Variants in ALMS1 observed in about 807,000 individuals in gnomAD.
The protein encoded by ALMS1 is ALMS1 centrosome and basal body associated protein.
Under a neutral mutation model 352.2 loss-of-function variants are expected in ALMS1, and 271 were observed. That is an observed-to-expected ratio of 0.77 (90% CI 0.70 to 0.85). ALMS1 has a LOEUF of 0.85. Ranked by LOEUF, ALMS1 falls within the 40% of genes least tolerant of loss-of-function variation. The pLI is 0.00. For missense variants in ALMS1, 5,445 were observed against 4,870.7 expected (o/e 1.12, Z -3.51); for synonymous variants, 1,865 against 1,761.2 (o/e 1.06, Z -1.48).
At position 73,452,663 on chromosome 2, in the gene ALMS1, A is replaced by G. The variant is rs1363078402; in HGVS notation, c.6136A>G (p.Ser2046Gly). 1.2e-6 allele frequency: 2 copies of G among 1,613,994 alleles called. No individual in the cohort carries two copies. The highest frequency in any genetic ancestry group is 1.7e-6 in the Non-Finnish European group (2 of 1,179,992). ...QKTPSQTAFHSSYSQTVKPNI... is the reference protein window; with the variant it reads ...QKTPSQTAFHGSYSQTVKPNI... The stretch of plus-strand genomic sequence containing the variant: ...GACTCCATCCCAGACAGCTTTTCAT[A>G]GTTCCTATTCTCAAACAGTAAAGCC... Residue 2046 changes from serine (S) to glycine (G), a missense_variant, in exon 8 of 23, where the codon AGT becomes GGT. Coordinates refer to ENST00000613296, the MANE Select transcript of ALMS1 (RefSeq NM_001378454.1).
At chr2:73,587,208 C>T (rs929880760) in intron 16 of ALMS1, among the ~76,000 whole-genome samples, 2 of 152,160 alleles carry the variant, frequency 1.3e-5, no homozygotes, top group Non-Finnish European at 2.9e-5. Context: ...GGTATACAGT[C>T]ATATCATCGG....
At chr2:73,515,598 T>G (rs1487717896) in intron 10 of ALMS1, among the ~76,000 whole-genome samples, 1 of 152,052 alleles carries the variant, frequency 6.6e-6, no homozygotes, top group Non-Finnish European at 1.5e-5. Context: ...CTGAACTGTA[T>G]GAAATTGAGA....
chr2:73,427,845 T>C (rs556923523), intron 6 of ALMS1, among the ~76,000 whole-genome samples: 4 of 152,216 alleles, frequency 2.6e-5, no homozygotes, highest in African/African-American at 4.8e-5. Flanking sequence ...TATCCTGTTA[T>C]TCATTAAATA....
intron 7 of ALMS1, among the ~76,000 whole-genome samples, chr2:73,443,871 A>G (rs540656096): frequency 2.0e-5 from 3 of 152,292 alleles, no homozygotes; most frequent in Middle Eastern, 6.8e-3. Flanking sequence ...GTTGTAATGA[A>G]GGCCTATGGA....
At chr2:73,405,674 T>C (rs1054790450) in intron 1 of ALMS1, among the ~76,000 whole-genome samples, 2 of 136,792 alleles carry the variant, frequency 1.5e-5, no homozygotes, top group African/African-American at 6.1e-5. Flanking sequence ...TTGACATGAA[T>C]TTTTTTTTTT....
intron 16 of ALMS1, among the ~76,000 whole-genome samples, chr2:73,574,654 CT>C (rs917673903): frequency 1.3e-5 from 2 of 151,928 alleles, no homozygotes; most frequent in African/African-American, 4.8e-5. Context: ...ATAGAGTATG[CT>C]TTTTTTCTAA....
chr2:73,571,976 C>T (rs1674938317), intron 15 of ALMS1, among the ~76,000 whole-genome samples: 1 of 152,054 alleles, frequency 6.6e-6, no homozygotes, highest in Non-Finnish European at 1.5e-5. Context: ...ATACATATAG[C>T]AGTTGCTTTT....
At chr2:73,542,101 T>C (rs922155089) in intron 12 of ALMS1, among the ~76,000 whole-genome samples, 3 of 152,146 alleles carry the variant, frequency 2.0e-5, no homozygotes, top group African/African-American at 2.4e-5. Context: ...CTGATAAACA[T>C]TGATGCAAAA....
chr2:73,527,632 T>C (rs957196403), intron 11 of ALMS1, among the ~76,000 whole-genome samples: 1 of 152,110 alleles, frequency 6.6e-6, no homozygotes, highest in Admixed American at 6.5e-5. Context: ...AATCTCTGAT[T>C]TTATTTACAT....
intron 1 of ALMS1, among the ~76,000 whole-genome samples, chr2:73,406,344 T>C (rs1176144057): frequency 6.6e-6 from 1 of 152,068 alleles, no homozygotes; most frequent in Non-Finnish European, 1.5e-5. Flanking sequence ...GAATATCTTT[T>C]TGAATCTTTT....
At chr2:73,536,342 A>T (rs1674027496) in intron 12 of ALMS1, among the ~76,000 whole-genome samples, 2 of 152,188 alleles carry the variant, frequency 1.3e-5, no homozygotes, top group South Asian at 4.1e-4. Flanking sequence ...AACTTAGAGA[A>T]AGACTGAACA....
intron 12 of ALMS1, among the ~76,000 whole-genome samples, chr2:73,541,161 T>C (rs1381585541): frequency 6.6e-6 from 1 of 152,132 alleles, no homozygotes; most frequent in Non-Finnish European, 1.5e-5. Context: ...ACAGAAATTA[T>C]AACAAACTGT....
intron 1 of ALMS1, among the ~76,000 whole-genome samples, chr2:73,395,076 A>ATTTTTT (rs1343952124): frequency 9.2e-6 from 1 of 108,300 alleles, no homozygotes; most frequent in African/African-American, 4.4e-5. Flanking sequence ...ATATATATAT[A>ATTTTTT]TATTTTTTTT....
Position 73,490,519 on chromosome 2 carries a change from C to T in ALMS1, c.8560C>T (p.Leu2854=), listed in dbSNP as rs765176591. Residue 2854 remains leucine, a synonymous_variant, in exon 10 of 23, where the codon CTA becomes TTA. Transcript: ENST00000613296. ...TAGCATGGGCAGACCAAGTTCCACC[C>T]TAGGAGTAAACAGATCGAGTTCCAG... ...LISMGRPSST[L]GVNRSSSRLG... The T allele has an allele frequency of 6.2e-7, 1 of 1,614,140 alleles. No homozygotes were observed. The highest frequency in any genetic ancestry group is 2.2e-5 in the East Asian group (1 of 44,888).
At chr2:73,578,119 T>G (rs1675091874) in intron 16 of ALMS1, among the ~76,000 whole-genome samples, 1 of 152,210 alleles carries the variant, frequency 6.6e-6, no homozygotes, top group African/African-American at 2.4e-5. Flanking sequence ...GATCCTTTTA[T>G]CAGTACAAAA....
chr2:73,484,096 G>A (rs1175347511), intron 9 of ALMS1, among the ~76,000 whole-genome samples: 2 of 151,700 alleles, frequency 1.3e-5, no homozygotes, highest in Non-Finnish European at 2.9e-5. Flanking sequence ...ATTGTTATGT[G>A]TGAATTTGAT....
At chr2:73,466,812 C>A (rs1268411793) in intron 9 of ALMS1, among the ~76,000 whole-genome samples, 1 of 151,996 alleles carries the variant, frequency 6.6e-6, no homozygotes, top group Non-Finnish European at 1.5e-5. Context: ...ACCTTCATGA[C>A]TGAGATGAAA....
At chr2:73,511,857 T>G (rs867252677) in intron 10 of ALMS1, among the ~76,000 whole-genome samples, 1 of 152,256 alleles carries the variant, frequency 6.6e-6, no homozygotes, top group Middle Eastern at 3.4e-3. Flanking sequence ...AAGAATTGTT[T>G]CAAAATGTCA....
intron 7 of ALMS1, among the ~76,000 whole-genome samples, chr2:73,447,135 G>T (rs1213232476): frequency 2.0e-5 from 3 of 152,116 alleles, no homozygotes; most frequent in African/African-American, 7.2e-5. Flanking sequence ...TGAATGAAGG[G>T]ACAGCTTGTC....
Sources: allele counts gnomAD v4.1 joint callset (sites outside exome capture counted in the v4.1 genomes callset), GRCh38; gene constraint gnomAD v4.1.1; transcripts MANE v1.5; gene names NCBI Gene and HGNC (gene_info 2026-07-23, HGNC 2026-07-21).